ESR2: variants seen among roughly 807,000 people sequenced by gnomAD.
The protein encoded by ESR2 is estrogen receptor beta.
ESR2 carries 36 observed loss-of-function variants against 49.6 expected under a neutral mutation model. The ratio of observed to expected loss-of-function variants is 0.73; its 90% CI spans 0.56 to 0.96. ESR2 has a LOEUF of 0.96. Among genes scored for constraint, ESR2 ranks in the 40% least tolerant of loss-of-function variants. ESR2 has a pLI of 0.00. For synonymous variants in ESR2, 320 were observed against 266.1 expected (o/e 1.20, Z -1.97); for missense variants, 714 against 693.0 (o/e 1.03, Z -0.34).
intron 3 of ESR2, among the ~76,000 whole-genome samples, chr14:64,271,990 A>ATAGTAGTT (rs2076456559): frequency 6.6e-6 from 1 of 152,228 alleles, no homozygotes; most frequent in South Asian, 2.1e-4. Context: ...ACTGTTCTCC[A>ATAGTAGTT]TAGTAGTTGT....
intron 1 of ESR2, among the ~76,000 whole-genome samples, chr14:64,315,700 G>A (rs1013220008): frequency 9.2e-5 from 14 of 151,370 alleles, no homozygotes; most frequent in African/African-American, 3.4e-4. Context: ...CTGTTGACAG[G>A]CTGGAGTGCA....
At chr14:64,312,439 T>C (rs965238945) in intron 1 of ESR2, among the ~76,000 whole-genome samples, 2 of 152,178 alleles carry the variant, frequency 1.3e-5, no homozygotes, top group African/African-American at 2.4e-5. Flanking sequence ...CCCAGCACTT[T>C]GGGAGGCCGA....
chr14:64,243,365 T>C (rs1402149959), intron 7 of ESR2, among the ~76,000 whole-genome samples: 1 of 152,208 alleles, frequency 6.6e-6, no homozygotes, highest in Non-Finnish European at 1.5e-5. Context: ...GTTAGAAATA[T>C]TGCAAAGTGT....
chr14:64,282,259 T>C (rs2076687500), intron 2 of ESR2, among the ~76,000 whole-genome samples: 2 of 152,152 alleles, frequency 1.3e-5, no homozygotes, highest in African/African-American at 4.8e-5. Flanking sequence ...GCACGAGAAT[T>C]GCTTGAACCC....
intron 1 of ESR2, among the ~76,000 whole-genome samples, chr14:64,305,290 C>CAA (rs567349725): frequency 0.27 from 27,190 of 100,012 alleles, 3,318 homozygotes; most frequent in Middle Eastern, 0.39. Flanking sequence ...GACTCCGTCT[C>CAA]AAAAAAAAAA....
intron 5 of ESR2, among the ~76,000 whole-genome samples, chr14:64,258,909 GAAA>G (rs963046763): frequency 6.6e-6 from 1 of 151,864 alleles, no homozygotes; most frequent in Non-Finnish European, 1.5e-5. Flanking sequence ...TAAGAGAGGA[GAAA>G]AAAAATCACG....
At chr14:64,279,924 A>G in intron 3 of ESR2, 57 bp downstream of exon 3, 1 of 1,477,146 alleles carries the variant, frequency 6.8e-7, no homozygotes, top group South Asian at 1.1e-5. Context: ...CATCTCTGCA[A>G]AATTGTTTGA....
chr14:64,265,677 C>T (rs557907081), intron 4 of ESR2, among the ~76,000 whole-genome samples: 1 of 152,218 alleles, frequency 6.6e-6, no homozygotes, highest in East Asian at 1.9e-4. Context: ...CCTTACATTT[C>T]AGTATATCCT....
At chr14:64,248,171 G>C (rs1430713685) in intron 7 of ESR2, among the ~76,000 whole-genome samples, 2 of 151,964 alleles carry the variant, frequency 1.3e-5, no homozygotes, top group Non-Finnish European at 2.9e-5. Context: ...TCCAGCCTGG[G>C]CAACAGAGTG....
intron 3 of ESR2, among the ~76,000 whole-genome samples, chr14:64,274,853 A>T (rs949823172): frequency 6.6e-6 from 1 of 152,126 alleles, no homozygotes; most frequent in South Asian, 2.1e-4. Flanking sequence ...TAATTTCTTC[A>T]TTGACACACT....
rs530018365 is a variant in ESR2 at position 64,235,926 on chromosome 14, TCTC to T, written c.1226-779_1226-777del. On this transcript the variant is annotated intron_variant, in intron 7 of 8. Transcript: ENST00000341099. Reference sequence around the variant, plus strand: ...GCAGCAAAGTAACAGCTCAGATAAATCTCCTCCCCCCGACCCCTGCCTGACTCC... The same window carrying T: ...GCAGCAAAGTAACAGCTCAGATAAATCTCCCCCCGACCCCTGCCTGACTCC... Among the ~76,000 whole-genome samples the T allele has an allele frequency of 1.1e-3, 166 of 152,152 alleles. 1 individual carries two copies. Among genetic ancestry groups the T allele is most frequent in the Admixed American group, 2.5e-3 (38 of 15,284 alleles).
chr14:64,258,891 A>T (rs926390134), intron 5 of ESR2, among the ~76,000 whole-genome samples: 4 of 152,222 alleles, frequency 2.6e-5, no homozygotes, highest in African/African-American at 9.6e-5. Flanking sequence ...GACAATGACT[A>T]TGCCAGCTAA....
chr14:64,306,111 AGGTAGGAGAATCACTTGAACCCGGGAG>A (rs1363689423), intron 1 of ESR2, among the ~76,000 whole-genome samples: 3 of 151,746 alleles, frequency 2.0e-5, no homozygotes, highest in Non-Finnish European at 4.4e-5. Flanking sequence ...CGGGAGGCTG[AGGTAGGAGAATCACTTGAACCCGGGAG>A]GCAGAAGTGA....
rs2098725003 is a variant in ESR2, at chr14:64,229,194, A to T, written c.*3943T>A. ...TGTAAAGGCTCATGCAGACCCATCT[A>T]AGCTGAGGAGATGGGATCTAAAGGT... On this transcript the variant is annotated 3_prime_UTR_variant, in exon 9 of 9. Transcript: ENST00000341099. Among the ~76,000 whole-genome samples, 1 of 152,076 alleles carries T rather than the reference A, an allele frequency of 6.6e-6. No individual in the cohort carries two copies. The highest frequency in any genetic ancestry group is 6.5e-5 in the Admixed American group (1 of 15,274).
chr14:64,295,803 T>G (rs985182812), upstream of ESR2, among the ~76,000 whole-genome samples: 1 of 152,134 alleles, frequency 6.6e-6, no homozygotes, highest in African/African-American at 2.4e-5. Flanking sequence ...CTCAGCACTT[T>G]GGGAGGCCGA....
At chr14:64,308,461 A>G (rs554163124) in intron 1 of ESR2, among the ~76,000 whole-genome samples, 102 of 152,314 alleles carry the variant, frequency 6.7e-4, no homozygotes, top group African/African-American at 2.4e-3. Flanking sequence ...TGTGTGATAT[A>G]GAAGTTTTAT....
At chr14:64,227,787 C>T, downstream of ESR2, 1 of 1,542,924 alleles carries the variant, frequency 6.5e-7, no homozygotes, top group Non-Finnish European at 8.7e-7. Context: ...ACTCAAAGCT[C>T]AGTGTATTCC....
intron 1 of ESR2, among the ~76,000 whole-genome samples, chr14:64,285,603 G>A (rs969999109): frequency 6.6e-6 from 1 of 152,064 alleles, no homozygotes; most frequent in African/African-American, 2.4e-5. Flanking sequence ...CGAGGTGGGT[G>A]GATCACATGA....
intron 4 of ESR2, among the ~76,000 whole-genome samples, chr14:64,267,335 G>A (rs953710925): frequency 2.0e-5 from 3 of 150,828 alleles, no homozygotes; most frequent in Non-Finnish European, 4.4e-5. Flanking sequence ...AATGTGAAGC[G>A]GTGGGAATGG....
Sources: allele counts gnomAD v4.1 joint callset (sites outside exome capture counted in the v4.1 genomes callset), GRCh38; gene constraint gnomAD v4.1.1; transcripts MANE v1.5; gene names NCBI Gene and HGNC (gene_info 2026-07-23, HGNC 2026-07-21).